Variants in ADAMTSL1 observed in about 807,000 individuals in gnomAD.
The protein encoded by ADAMTSL1 is ADAMTS like 1.
ADAMTSL1 carries 126 observed loss-of-function variants against 201.8 expected under a neutral mutation model. That is an observed-to-expected ratio of 0.62 (90% confidence interval 0.54 to 0.72). ADAMTSL1 has a LOEUF of 0.72. Among genes scored for constraint, ADAMTSL1 ranks in the 30% least tolerant of loss-of-function variants. The probability of loss-of-function intolerance (pLI) is 0.00; values close to 1 mark genes in which losing one functional copy is unlikely to be tolerated. For synonymous variants in ADAMTSL1, 1,121 were observed against 903.4 expected, an observed-to-expected ratio of 1.24 and a Z score of -4.32; for missense variants, 2,679 against 2,277.8, an observed-to-expected ratio of 1.18 and a Z score of -3.59.
chr9:18,044,838 A>G lies in ADAMTSL1; in HGVS notation c.88-119024A>G, dbSNP rs1001406125. 2.6e-5 allele frequency among the ~76,000 whole-genome samples: 4 copies of G among 152,306 alleles called. No homozygotes were observed. In the East Asian group the frequency reaches 7.7e-4, roughly 29 times the overall value. On this transcript the variant is annotated intron_variant, in intron 1 of 29. Transcript: ENST00000680146. ...ACAGATCAGTTGGCTACTGGTGTAT[A>G]GGTCTTTTCTCTGCGAAGTATGGCT...
chr9:18,769,567 A>G (rs1820566666), intron 16 of ADAMTSL1, among the ~76,000 whole-genome samples: 1 of 152,356 alleles, frequency 6.6e-6, no homozygotes, highest in East Asian at 1.9e-4. Context: ...TGGTGGTTTC[A>G]CAGTCAGGAA....
Position 18,494,851 on chromosome 9 carries a change from T to A in ADAMTSL1, c.64-9978T>A, listed in dbSNP as rs141572981. Among the ~76,000 whole-genome samples, 176 of 152,244 alleles carry A rather than the reference T, an allele frequency of 1.2e-3. 1 individual carries two copies. The highest frequency in any genetic ancestry group is 4.0e-3 in the African/African-American group (167 of 41,554). On this transcript the variant is annotated intron_variant, in intron 1 of 28. Coordinates refer to ENST00000380548, the MANE Select transcript of ADAMTSL1 (RefSeq NM_001040272.6). The stretch of plus-strand genomic sequence containing the variant: ...CCTGGCATTTATTAACACTACTAGG[T>A]CCCATCAGCTTTAGGCAGTGGAGCC...
At chr9:18,303,286 T>C (rs1017034270) in intron 2 of ADAMTSL1, among the ~76,000 whole-genome samples, 1 of 152,226 alleles carries the variant, frequency 6.6e-6, no homozygotes, top group African/African-American at 2.4e-5. Context: ...TGCCTCAAGT[T>C]GGATTGCCTA....
At chr9:17,970,842 T>A (rs1818178850) in intron 1 of ADAMTSL1, among the ~76,000 whole-genome samples, 1 of 152,008 alleles carries the variant, frequency 6.6e-6, no homozygotes, top group African/African-American at 2.4e-5. Flanking sequence ...CTTTTCCCTG[T>A]GAAACTCCAT....
intron 6 of ADAMTSL1, 77 bp from the exon 7 acceptor site, chr9:18,639,177 A>G: frequency 7.0e-7 from 1 of 1,434,088 alleles, no homozygotes; most frequent in Non-Finnish European, 9.7e-7. Context: ...AGCTCTAAAC[A>G]TTGTTGCATG....
chr9:18,471,134 G>T (rs535833126), upstream of ADAMTSL1, among the ~76,000 whole-genome samples: 1 of 152,118 alleles, frequency 6.6e-6, no homozygotes, highest in African/African-American at 2.4e-5. Flanking sequence ...ATAGAAGCTG[G>T]AGGCTAAAAT....
At chr9:18,471,030 C>T (rs1350956541), upstream of ADAMTSL1, among the ~76,000 whole-genome samples, 1 of 152,288 alleles carries the variant, frequency 6.6e-6, no homozygotes, top group East Asian at 1.9e-4. Flanking sequence ...TGGCCTTTCC[C>T]CGGTTGCCAT....
At chr9:18,816,704 C>T (rs1013621990) in intron 20 of ADAMTSL1, among the ~76,000 whole-genome samples, 26 of 127,502 alleles carry the variant, frequency 2.0e-4, no homozygotes, top group African/African-American at 7.5e-4. Flanking sequence ...TGTCTTCAAA[C>T]TCTTCAACCC....
upstream of ADAMTSL1, chr9:18,473,892 C>T (rs1024540845): frequency 2.1e-5 from 7 of 327,888 alleles, no homozygotes; most frequent in Non-Finnish European, 3.9e-5. Context: ...GCATCTTTTG[C>T]ATTTCCCTTC....
chr9:18,558,503 A>G (rs1359682238), intron 3 of ADAMTSL1, among the ~76,000 whole-genome samples: 1 of 152,200 alleles, frequency 6.6e-6, no homozygotes, highest in African/African-American at 2.4e-5. Context: ...AGAATTATTT[A>G]TAATCCTTTG....
intron 1 of ADAMTSL1, among the ~76,000 whole-genome samples, chr9:18,110,121 C>A (rs999327192): frequency 5.3e-5 from 8 of 152,202 alleles, no homozygotes; most frequent in Non-Finnish European, 1.0e-4. Flanking sequence ...TCCCTAGAGA[C>A]TACTTTCAGT....
chr9:18,756,164 A>G (rs1426821913), intron 16 of ADAMTSL1, among the ~76,000 whole-genome samples: 1 of 135,138 alleles, frequency 7.4e-6, no homozygotes, highest in Non-Finnish European at 1.6e-5. Context: ...CTGTAATCCC[A>G]GCTACTGTGG....
chr9:18,848,155 T>C (rs147931521), intron 23 of ADAMTSL1, among the ~76,000 whole-genome samples: 3 of 152,238 alleles, frequency 2.0e-5, no homozygotes, highest in African/African-American at 4.8e-5. Flanking sequence ...TGCCTGGCCA[T>C]TTCCTTCATC....
intron 2 of ADAMTSL1, among the ~76,000 whole-genome samples, chr9:18,217,489 T>C (rs1830097031): frequency 1.3e-5 from 2 of 152,322 alleles, no homozygotes; most frequent in East Asian, 1.9e-4. Flanking sequence ...TTTTCTTTCC[T>C]GCTTTTTGGA....
rs72688644 is a variant in ADAMTSL1, at chr9:18,636,866, G to T, written c.676+849G>T. ...ATTTCTGATTTCCTCCACTGTGATT[G>T]TTCCTGGGTTTCCACAAAGCCATCT... On this transcript the variant is annotated intron_variant, in intron 6 of 28. Coordinates refer to ENST00000380548, the MANE Select transcript of ADAMTSL1 (RefSeq NM_001040272.6). Among the ~76,000 whole-genome samples the T allele has an allele frequency of 4.5e-3, 684 of 151,502 alleles. 4 individuals carry two copies. Among genetic ancestry groups the T allele is most frequent in the Non-Finnish European group, 5.3e-3 (362 of 67,962 alleles).
chr9:18,166,114 T>G (rs960232), intron 2 of ADAMTSL1, among the ~76,000 whole-genome samples: 1 of 151,616 alleles, frequency 6.6e-6, no homozygotes, highest in Non-Finnish European at 1.5e-5. Flanking sequence ...CAAACCTATT[T>G]GATTTTAAGT....
intron 2 of ADAMTSL1, among the ~76,000 whole-genome samples, chr9:18,318,797 G>T (rs1254403145): frequency 6.6e-6 from 1 of 152,136 alleles, no homozygotes; most frequent in East Asian, 1.9e-4. Flanking sequence ...AACGGCTGAA[G>T]GATATTATAT....
At position 17,955,421 on chromosome 9, in the gene ADAMTSL1, T is replaced by G. The variant is rs919600583; in HGVS notation, c.87+48499T>G. The stretch of plus-strand genomic sequence containing the variant: ...TAGTTCTAATCTTACAATTTGAAAT[T>G]CTAATAAAATTCCAAATTTAGGACT... On this transcript the variant is annotated intron_variant, in intron 1 of 29. Coordinates refer to the ADAMTSL1 transcript ENST00000680146. Among the ~76,000 whole-genome samples the G allele has an allele frequency of 3.2e-4, 49 of 152,322 alleles. 1 individual carries two copies. The highest frequency in any genetic ancestry group is 1.2e-3 in the African/African-American group (49 of 41,584).
At chr9:18,822,256 A>G (rs1398456008) in intron 21 of ADAMTSL1, among the ~76,000 whole-genome samples, 1 of 152,160 alleles carries the variant, frequency 6.6e-6, no homozygotes. Flanking sequence ...ACAGCAGGCT[A>G]GAAAAGATCA....
Sources: gnomAD v4.1 joint callset for allele counts (sites outside exome capture counted in the v4.1 genomes callset) on GRCh38, gnomAD v4.1.1 for gene constraint, MANE v1.5 for transcripts, NCBI Gene and HGNC (gene_info 2026-07-23, HGNC 2026-07-21) for gene names.